Variants in DYM observed in about 807,000 individuals in gnomAD.
DYM encodes dymeclin.
In DYM, 78 loss-of-function variants were observed where a neutral mutation model predicts 93.1. That is an observed-to-expected ratio of 0.84 (90% CI 0.70 to 1.01). The LOEUF (loss-of-function observed/expected upper bound fraction) is 1.01, where lower values mean the gene tolerates loss of function less well. DYM is among the 50% of genes least tolerant of loss of function. The probability of loss-of-function intolerance (pLI) is 0.00; values close to 1 mark genes in which losing one functional copy is unlikely to be tolerated. For synonymous variants in DYM, 321 were observed against 319.7 expected (o/e 1.00, Z -0.04); for missense variants, 789 against 845.0 (o/e 0.93, Z 0.82).
chr18:49,129,149 C>T (rs1369025510), intron 15 of DYM, among the ~76,000 whole-genome samples: 1 of 151,784 alleles, frequency 6.6e-6, no homozygotes, highest in East Asian at 1.9e-4. Flanking sequence ...AACAGAGTAG[C>T]TCCAAGTCCA....
chr18:49,321,705 C>T (rs950838055), intron 8 of DYM, among the ~76,000 whole-genome samples: 2 of 151,876 alleles, frequency 1.3e-5, no homozygotes, highest in African/African-American at 4.8e-5. Flanking sequence ...AAACAGTAAA[C>T]AGAAATTAAC....
At chr18:49,144,424 C>G (rs1293005356) in intron 15 of DYM, among the ~76,000 whole-genome samples, 2 of 152,160 alleles carry the variant, frequency 1.3e-5, no homozygotes, top group African/African-American at 4.8e-5. Flanking sequence ...ATGCTCGAAT[C>G]TACTAATTAG....
At chr18:49,282,888 T>C (rs2095026929) in intron 9 of DYM, among the ~76,000 whole-genome samples, 1 of 152,074 alleles carries the variant, frequency 6.6e-6, no homozygotes, top group Admixed American at 6.5e-5. Flanking sequence ...AAATAGAAAA[T>C]TCTCTTTTAA....
In DYM at chr18:49,043,832, T is replaced by C. The variant is rs45576031; in HGVS notation, c.*223A>G. On this transcript the variant is annotated 3_prime_UTR_variant, in exon 18 of 18. Transcript: ENST00000675505. ...TAGCAGGTTTTTACATTTATTATTG[T>C]TGTGTATTTCCTCCCCTTTTTGCAA... The C allele has an allele frequency of 2.4e-5, 14 of 588,944 alleles. No individual in the cohort carries two copies. The highest frequency in any genetic ancestry group is 3.9e-5 in the Non-Finnish European group (13 of 332,092). The allele number at this position is 588,944 out of a possible 1,614,324, so 36.5% of individuals were successfully genotyped here. A position where few individuals can be genotyped will look rare whatever the true frequency, so the allele number is the denominator to read the frequency against.
At chr18:49,203,513 A>G (rs1335044025) in intron 14 of DYM, among the ~76,000 whole-genome samples, 3 of 147,566 alleles carry the variant, frequency 2.0e-5, no homozygotes, top group South Asian at 2.2e-4. Flanking sequence ...CACTAAGAAA[A>G]ATTCCTCTGC....
chr18:49,176,779 T>C (rs771908108), intron 14 of DYM, among the ~76,000 whole-genome samples: 8 of 152,086 alleles, frequency 5.3e-5, no homozygotes, highest in Non-Finnish European at 1.2e-4. Context: ...AATTAAAAAT[T>C]GGTAATTTAT....
intron 5 of DYM, among the ~76,000 whole-genome samples, chr18:49,366,330 G>T (rs1293217037): frequency 6.6e-6 from 1 of 152,146 alleles, no homozygotes; most frequent in Non-Finnish European, 1.5e-5. Context: ...ACACATTCAA[G>T]CATTTCATAC....
intron 17 of DYM, among the ~76,000 whole-genome samples, chr18:49,063,308 T>C (rs2076132116): frequency 1.0e-5 from 1 of 98,880 alleles, no homozygotes; most frequent in Admixed American, 9.6e-5. Flanking sequence ...ATTTCTTTTC[T>C]TTTTTTTTTT....
chr18:49,355,559 C>T (rs2065481653), intron 6 of DYM, among the ~76,000 whole-genome samples: 1 of 152,094 alleles, frequency 6.6e-6, no homozygotes, highest in South Asian at 2.1e-4. Context: ...CTACAGGGAA[C>T]ACTGAAGTAA....
At chr18:49,306,672 T>C (rs1480414235) in intron 8 of DYM, among the ~76,000 whole-genome samples, 1 of 152,220 alleles carries the variant, frequency 6.6e-6, no homozygotes, top group Non-Finnish European at 1.5e-5. Context: ...AACCTGAGCA[T>C]GTGGTAACAG....
chr18:49,224,242 TG>T (rs1458024434), intron 13 of DYM, among the ~76,000 whole-genome samples: 2 of 152,038 alleles, frequency 1.3e-5, no homozygotes, highest in African/African-American at 2.4e-5. Flanking sequence ...CAAAAGACTC[TG>T]GGAAAGGGCA....
intron 17 of DYM, among the ~76,000 whole-genome samples, chr18:49,083,790 G>A (rs765777228): frequency 6.6e-6 from 1 of 151,950 alleles, no homozygotes; most frequent in Non-Finnish European, 1.5e-5. Context: ...ATTTCAATTT[G>A]TTTCTAATAT....
At chr18:49,367,264 A>G (rs2066610008) in intron 5 of DYM, among the ~76,000 whole-genome samples, 2 of 152,240 alleles carry the variant, frequency 1.3e-5, no homozygotes, top group Admixed American at 1.3e-4. Context: ...GAACAAGGTC[A>G]CTAAAATCCC....
chr18:49,443,765 G>A (rs1214636898), intron 1 of DYM, among the ~76,000 whole-genome samples: 3 of 152,278 alleles, frequency 2.0e-5, no homozygotes, highest in Non-Finnish European at 2.9e-5. Flanking sequence ...AAATAGGGCT[G>A]CAACCGAAGT....
chr18:49,323,665 T>G (rs887050663), intron 8 of DYM, among the ~76,000 whole-genome samples: 2 of 152,184 alleles, frequency 1.3e-5, no homozygotes, highest in Non-Finnish European at 2.9e-5. Flanking sequence ...GAAGTGAATC[T>G]CCTGGCACCT....
intron 2 of DYM, among the ~76,000 whole-genome samples, chr18:49,425,836 C>T (rs1288027833): frequency 1.3e-5 from 2 of 152,116 alleles, no homozygotes; most frequent in Non-Finnish European, 2.9e-5. Flanking sequence ...CAAATCAAAA[C>T]CACAATGAAA....
At chr18:49,131,928 G>T (rs1312861272) in intron 15 of DYM, among the ~76,000 whole-genome samples, 1 of 152,076 alleles carries the variant, frequency 6.6e-6, no homozygotes, top group Admixed American at 6.6e-5. Flanking sequence ...ATAATTGGAT[G>T]GGAGAAAAAA....
In DYM at chr18:49,169,100, G is replaced by A. The variant is rs762625551; in HGVS notation, c.1626-5313C>T. 2.6e-5 allele frequency among the ~76,000 whole-genome samples: 4 copies of A among 152,118 alleles called. No individual in the cohort carries two copies. The South Asian group carries it at 6.2e-4, about 24-fold the overall frequency. ...ACAGTGAGTCAAATATTTACCCAGC[G>A]CCTAGTATGTGCCAGGCAATGTGAA... is the stretch of plus-strand genomic sequence containing the variant. On this transcript the variant is annotated intron_variant, in intron 14 of 17. Coordinates refer to ENST00000675505, the MANE Select transcript of DYM (RefSeq NM_001353214.3).
At chr18:49,081,003 G>A (rs2077943246) in intron 17 of DYM, among the ~76,000 whole-genome samples, 3 of 147,724 alleles carry the variant, frequency 2.0e-5, no homozygotes, top group South Asian at 4.3e-4. Context: ...GGGCAGAGAC[G>A]CTCCTCACTT....
Sources: gnomAD v4.1 joint callset for allele counts (sites outside exome capture counted in the v4.1 genomes callset) on GRCh38, gnomAD v4.1.1 for gene constraint, MANE v1.5 for transcripts, NCBI Gene and HGNC (gene_info 2026-07-23, HGNC 2026-07-21) for gene names.